Variants in KCNH8 observed in about 807,000 individuals in gnomAD.
KCNH8 encodes the protein voltage-gated delayed rectifier potassium channel KCNH8.
In KCNH8, 70 loss-of-function variants were observed where a neutral mutation model predicts 103.6. The observed-to-expected ratio is 0.68, with a 90% CI of 0.56 to 0.82. The LOEUF (loss-of-function observed/expected upper bound fraction) is 0.82. KCNH8 is among the 40% of genes least tolerant of loss of function. The probability of loss-of-function intolerance (pLI) is 0.00; values close to 1 mark genes in which losing one functional copy is unlikely to be tolerated. For synonymous variants in KCNH8, 498 were observed against 489.4 expected, an observed-to-expected ratio of 1.02 and a Z score of -0.23; for missense variants, 1,217 against 1,329.9, an observed-to-expected ratio of 0.92 and a Z score of 1.32.
At chr3:19,508,971 A>T (rs953529232) in intron 11 of KCNH8, among the ~76,000 whole-genome samples, 3 of 152,158 alleles carry the variant, frequency 2.0e-5, no homozygotes, top group Admixed American at 2.0e-4. Flanking sequence ...CCTGAATCCC[A>T]TTGTCATGTT....
At chr3:19,497,334 G>A (rs76451014) in intron 11 of KCNH8, among the ~76,000 whole-genome samples, 6,360 of 152,178 alleles carry the variant, frequency 0.042, 287 homozygotes, top group East Asian at 0.21. Flanking sequence ...TAGTTGTGAT[G>A]TTAGGTTGTT....
chr3:19,154,964 C>T (rs2063167077), intron 1 of KCNH8, among the ~76,000 whole-genome samples: 1 of 152,188 alleles, frequency 6.6e-6, no homozygotes, highest in Admixed American at 6.5e-5. Context: ...TTCAACTTCA[C>T]CTATGACCTA....
At chr3:19,495,447 C>T (rs1401114662) in intron 11 of KCNH8, among the ~76,000 whole-genome samples, 1 of 151,816 alleles carries the variant, frequency 6.6e-6, no homozygotes, top group African/African-American at 2.4e-5. Context: ...ATTTACACCA[C>T]TTATTGAGGA....
At chr3:19,464,051 CT>C (rs935717364) in intron 11 of KCNH8, among the ~76,000 whole-genome samples, 11 of 151,872 alleles carry the variant, frequency 7.2e-5, no homozygotes, top group Non-Finnish European at 1.6e-4. Flanking sequence ...TACCAGAGGA[CT>C]TTCTGTACAT....
At chr3:19,201,655 T>C (rs1042280731) in intron 1 of KCNH8, among the ~76,000 whole-genome samples, 1 of 152,128 alleles carries the variant, frequency 6.6e-6, no homozygotes, top group Non-Finnish European at 1.5e-5. Context: ...TTTCTGTCAC[T>C]AACCTGGGCC....
intron 4 of KCNH8, among the ~76,000 whole-genome samples, chr3:19,343,515 T>C (rs1375961096): frequency 6.6e-6 from 1 of 152,086 alleles, no homozygotes; most frequent in Non-Finnish European, 1.5e-5. Flanking sequence ...TTAATTTGCC[T>C]TATGGAATCA....
intron 1 of KCNH8, among the ~76,000 whole-genome samples, chr3:19,150,884 T>C (rs1211945935): frequency 6.6e-6 from 1 of 152,128 alleles, no homozygotes; most frequent in East Asian, 1.9e-4. Flanking sequence ...AGAAGCAAAT[T>C]TGAAGGTGAT....
intron 5 of KCNH8, among the ~76,000 whole-genome samples, chr3:19,376,200 C>G (rs528094215): frequency 3.3e-5 from 5 of 152,324 alleles, no homozygotes; most frequent in South Asian, 4.1e-4. Flanking sequence ...CCCCCAGCCT[C>G]GCTGCCGCCT....
intron 1 of KCNH8, among the ~76,000 whole-genome samples, chr3:19,187,062 A>C (rs1242065272): frequency 6.6e-6 from 1 of 152,054 alleles, no homozygotes; most frequent in Non-Finnish European, 1.5e-5. Flanking sequence ...CAAATTTCAT[A>C]TTATTTTCAT....
chr3:19,477,196 G>C (rs1004425689), intron 11 of KCNH8, among the ~76,000 whole-genome samples: 1 of 152,088 alleles, frequency 6.6e-6, no homozygotes, highest in Non-Finnish European at 1.5e-5. Context: ...TATTGAGCAA[G>C]TGGGACGGAC....
intron 5 of KCNH8, among the ~76,000 whole-genome samples, chr3:19,385,991 A>G (rs11709231): frequency 6.6e-6 from 1 of 152,180 alleles, no homozygotes; most frequent in African/African-American, 2.4e-5. Context: ...ATATGATTTT[A>G]AAATTATTTC....
At chr3:19,497,242 C>A (rs1231293944) in intron 11 of KCNH8, among the ~76,000 whole-genome samples, 1 of 152,002 alleles carries the variant, frequency 6.6e-6, no homozygotes, top group Non-Finnish European at 1.5e-5. Context: ...GTCTTAATAT[C>A]CTTCAGTTTA....
intron 1 of KCNH8, among the ~76,000 whole-genome samples, chr3:19,160,659 T>C (rs1236555206): frequency 6.6e-6 from 1 of 152,270 alleles, no homozygotes; most frequent in South Asian, 2.1e-4. Context: ...AAATATTAAA[T>C]GGAAAATCCC....
At chr3:19,296,671 C>T (rs1278809705) in intron 3 of KCNH8, among the ~76,000 whole-genome samples, 2 of 152,012 alleles carry the variant, frequency 1.3e-5, no homozygotes, top group African/African-American at 2.4e-5. Context: ...AAGAATGATA[C>T]GATGGACTTT....
intron 5 of KCNH8, among the ~76,000 whole-genome samples, chr3:19,365,185 C>G (rs529476937): frequency 1.2e-4 from 19 of 152,032 alleles, no homozygotes; most frequent in Non-Finnish European, 2.5e-4. Flanking sequence ...AAGGTATTTT[C>G]TTGTGATTTA....
At chr3:19,211,054 T>A (rs2063765950) in intron 1 of KCNH8, among the ~76,000 whole-genome samples, 1 of 152,210 alleles carries the variant, frequency 6.6e-6, no homozygotes, top group Non-Finnish European at 1.5e-5. Flanking sequence ...AAATACATGA[T>A]GTCCCATTGA....
intron 3 of KCNH8, among the ~76,000 whole-genome samples, chr3:19,317,380 T>C (rs147294931): frequency 1.3e-5 from 2 of 152,052 alleles, no homozygotes; most frequent in African/African-American, 4.8e-5. Context: ...CTTAATTACT[T>C]TTCAAAATCA....
chr3:19,451,904 A>G (rs1220241771), intron 10 of KCNH8, among the ~76,000 whole-genome samples: 1 of 152,228 alleles, frequency 6.6e-6, no homozygotes, highest in Non-Finnish European at 1.5e-5. Context: ...CAAGGTGACT[A>G]TAGGCTCTTT....
At chr3:19,272,314 T>C (rs1049603792) in intron 2 of KCNH8, among the ~76,000 whole-genome samples, 1 of 151,974 alleles carries the variant, frequency 6.6e-6, no homozygotes, top group Admixed American at 6.6e-5. Context: ...ATAGATGATA[T>C]TCTGCCAAAA....
Sources: allele counts gnomAD v4.1 joint callset (sites outside exome capture counted in the v4.1 genomes callset), GRCh38; gene constraint gnomAD v4.1.1; transcripts MANE v1.5; gene names NCBI Gene and HGNC (gene_info 2026-07-23, HGNC 2026-07-21).